The following UNC5C variants were observed in gnomAD, a reference collection of about 807,000 sequenced individuals.
UNC5C encodes the protein netrin receptor UNC5C.
A neutral mutation model predicts 99.8 loss-of-function variants in UNC5C; 47 were observed. That is an observed-to-expected ratio of 0.47 (90% confidence interval 0.37 to 0.60). The LOEUF (loss-of-function observed/expected upper bound fraction) is 0.60, where lower values mean the gene tolerates loss of function less well. Ranked by LOEUF, UNC5C falls within the 20% of genes least tolerant of loss-of-function variation. The pLI is 0.00. For missense variants in UNC5C, 1,062 were observed against 1,165.9 expected, an observed-to-expected ratio of 0.91 and a Z score of 1.30; for synonymous variants, 487 against 452.2, an observed-to-expected ratio of 1.08 and a Z score of -0.98.
At position 95,292,208 on chromosome 4, in the gene UNC5C, C is replaced by CATATATATATACACATATATATACAT. The variant is rs376368681; in HGVS notation, c.490+9397_490+9398insATGTATATATATGTGTATATATATAT. On this transcript the variant is annotated intron_variant, in intron 3 of 15. Coordinates refer to ENST00000453304, the MANE Select transcript of UNC5C (RefSeq NM_003728.4). ...ACATATATATATACACATATATATACATATATATACACACACACACACACA... is the reference window on the plus strand; with the variant it reads ...ACATATATATATACACATATATATACATATATATATACACATATATATACATATATATATACACACACACACACACA... 3.7e-4 allele frequency among the ~76,000 whole-genome samples: 46 copies of CATATATATATACACATATATATACAT among 123,978 alleles called. No individual in the cohort carries two copies. The Admixed American group carries it at 3.8e-3, about 10-fold the overall frequency. The allele number at this position is 123,978 out of a possible 152,430, so 81.3% of individuals were successfully genotyped here. A position where few individuals can be genotyped will look rare whatever the true frequency, so the allele number is the denominator to read the frequency against.
At chr4:95,388,025 A>G (rs1223261232) in intron 1 of UNC5C, among the ~76,000 whole-genome samples, 1 of 152,192 alleles carries the variant, frequency 6.6e-6, no homozygotes, top group African/African-American at 2.4e-5. Context: ...ATTGAAAACT[A>G]CCTAGCAGAG....
intron 7 of UNC5C, among the ~76,000 whole-genome samples, chr4:95,236,935 T>C (rs1474754415): frequency 6.6e-6 from 1 of 152,190 alleles, no homozygotes; most frequent in Non-Finnish European, 1.5e-5. Flanking sequence ...CAAGGAGGAT[T>C]GATTCCAGAA....
intron 3 of UNC5C, among the ~76,000 whole-genome samples, chr4:95,280,937 A>G (rs1741034889): frequency 6.6e-6 from 1 of 152,174 alleles, no homozygotes; most frequent in Non-Finnish European, 1.5e-5. Context: ...TGGAAACATT[A>G]AGAATTTTCT....
At position 95,482,000 on chromosome 4, in the gene UNC5C, T is replaced by C. The variant is rs1721171538; in HGVS notation, c.124+66734A>G. 3.3e-5 allele frequency among the ~76,000 whole-genome samples: 5 copies of C among 152,040 alleles called. No individual in the cohort carries two copies. In the South Asian group the frequency reaches 1.0e-3, roughly 32 times the overall value. On this transcript the variant is annotated intron_variant, in intron 1 of 15. Coordinates refer to ENST00000453304, the MANE Select transcript of UNC5C (RefSeq NM_003728.4). ...AAAGCAATGGCAACAAAAGCCAAAATTGACAAATGGGATCTAATTAAACTA... is the reference window on the plus strand; with the variant it reads ...AAAGCAATGGCAACAAAAGCCAAAACTGACAAATGGGATCTAATTAAACTA...
intron 1 of UNC5C, among the ~76,000 whole-genome samples, chr4:95,463,688 A>T (rs1456586166): frequency 6.6e-6 from 1 of 152,218 alleles, no homozygotes; most frequent in Non-Finnish European, 1.5e-5. Context: ...TAAATCTCAG[A>T]ACACTGCAAA....
chr4:95,434,948 G>A (rs1003148980), intron 1 of UNC5C, among the ~76,000 whole-genome samples: 2 of 152,016 alleles, frequency 1.3e-5, no homozygotes, highest in Non-Finnish European at 2.9e-5. Context: ...CATCACAGAA[G>A]AGTTTTGCTC....
chr4:95,222,244 A>G, intron 7 of UNC5C: 1 of 1,496,144 alleles, frequency 6.7e-7, no homozygotes, highest in Non-Finnish European at 8.8e-7. Context: ...TTCTCTGTTC[A>G]GTTGAAATGG....
chr4:95,525,638 T>C (rs1207794808), intron 1 of UNC5C, among the ~76,000 whole-genome samples: 2 of 136,772 alleles, frequency 1.5e-5, no homozygotes, highest in Non-Finnish European at 3.1e-5. Flanking sequence ...AGCTAATATA[T>C]CTTGCCAAAG....
At chr4:95,428,738 G>A (rs936123630) in intron 1 of UNC5C, among the ~76,000 whole-genome samples, 1 of 152,122 alleles carries the variant, frequency 6.6e-6, no homozygotes, top group Non-Finnish European at 1.5e-5. Flanking sequence ...AGGAGTTTCA[G>A]GCACCAAAAG....
At chr4:95,299,701 G>A (rs1225392903) in intron 3 of UNC5C, among the ~76,000 whole-genome samples, 1 of 152,174 alleles carries the variant, frequency 6.6e-6, no homozygotes, top group Non-Finnish European at 1.5e-5. Flanking sequence ...AAGAGGGCAT[G>A]TACAAGGGAA....
At chr4:95,232,414 A>C (rs57195269) in intron 7 of UNC5C, among the ~76,000 whole-genome samples, 2 of 152,294 alleles carry the variant, frequency 1.3e-5, no homozygotes, top group Admixed American at 6.5e-5. Context: ...ACCTGATAGA[A>C]AAAGTAAAAT....
chr4:95,479,379 A>C (rs1721064362), intron 1 of UNC5C, among the ~76,000 whole-genome samples: 1 of 151,970 alleles, frequency 6.6e-6, no homozygotes, highest in Non-Finnish European at 1.5e-5. Context: ...ATCCCTGGGC[A>C]TGTGATTAAA....
chr4:95,247,781 T>C (rs1196067087), intron 5 of UNC5C, among the ~76,000 whole-genome samples: 1 of 152,202 alleles, frequency 6.6e-6, no homozygotes, highest in Non-Finnish European at 1.5e-5. Context: ...AAGCATAATA[T>C]ACATAGGAAG....
At chr4:95,216,070 TCTC>T (rs780553137) in intron 10 of UNC5C, 51 bp downstream of exon 10, 1 of 1,481,530 alleles carries the variant, frequency 6.7e-7, no homozygotes, top group South Asian at 1.2e-5. Context: ...ATTGTACAAT[TCTC>T]CTCCAAGTTA....
chr4:95,448,227 T>TGTGTGAGA (rs1339694230), intron 1 of UNC5C, among the ~76,000 whole-genome samples: 3 of 100,078 alleles, frequency 3.0e-5, no homozygotes, highest in African/African-American at 4.0e-5. Context: ...TGTGTGTGTG[T>TGTGTGAGA]GAGAGAGAGA....
At chr4:95,282,737 C>T (rs1023645486) in intron 3 of UNC5C, among the ~76,000 whole-genome samples, 4 of 152,178 alleles carry the variant, frequency 2.6e-5, no homozygotes, top group Non-Finnish European at 4.4e-5. Context: ...TTCCTTCCTT[C>T]ATCTGGGTGT....
intron 4 of UNC5C, among the ~76,000 whole-genome samples, chr4:95,263,360 G>A (rs887445259): frequency 5.3e-5 from 8 of 152,030 alleles, no homozygotes; most frequent in Non-Finnish European, 1.0e-4. Flanking sequence ...AGTCTTTTAG[G>A]GATATGCTAG....
At chr4:95,396,531 G>C (rs148224052) in intron 1 of UNC5C, among the ~76,000 whole-genome samples, 6 of 152,116 alleles carry the variant, frequency 3.9e-5, no homozygotes, top group African/African-American at 1.4e-4. Flanking sequence ...GCTTGAACCC[G>C]ACCTTCAAGC....
intron 1 of UNC5C, among the ~76,000 whole-genome samples, chr4:95,466,387 T>C (rs551188596): frequency 1.2e-4 from 19 of 152,258 alleles, no homozygotes; most frequent in Non-Finnish European, 2.4e-4. Flanking sequence ...AAACTACATA[T>C]AAACTTCACA....
Sources: gnomAD v4.1 joint callset for allele counts (sites outside exome capture counted in the v4.1 genomes callset) on GRCh38, gnomAD v4.1.1 for gene constraint, MANE v1.5 for transcripts, NCBI Gene and HGNC (gene_info 2026-07-23, HGNC 2026-07-21) for gene names.